Variants in ADD1 observed in about 807,000 individuals in gnomAD.
The protein encoded by ADD1 is adducin 1.
A neutral mutation model predicts 80.5 loss-of-function variants in ADD1; 24 were observed. The ratio of observed to expected loss-of-function variants is 0.30; its 90% CI spans 0.22 to 0.42. ADD1 has a LOEUF of 0.42. ADD1 is among the 10% of genes least tolerant of loss of function. The pLI is 1.00. For missense variants in ADD1, 948 were observed against 1,019.0 expected (o/e 0.93, Z 0.95); for synonymous variants, 373 against 393.8 (o/e 0.95, Z 0.63).
chr4:2,851,704 G>A (rs780018296), intron 1 of ADD1, among the ~76,000 whole-genome samples: 5 of 152,162 alleles, frequency 3.3e-5, no homozygotes, highest in African/African-American at 4.8e-5. Context: ...AGGAAGGAAG[G>A]TTAGGAATGG....
In ADD1 at chr4:2,901,520, G is replaced by A. The variant is rs575231620; in HGVS notation, c.1161+2085G>A. ...TGTACAGATTGTTTTAATATTAGAA[G>A]GCCATATAGTTTATAAGAAATAAAC... On this transcript the variant is annotated intron_variant, in intron 9 of 15. Coordinates refer to ENST00000683351, the MANE Select transcript of ADD1 (RefSeq NM_001354761.2). The A allele has an allele frequency of 3.6e-4, 55 of 152,248 alleles. 1 individual carries two copies. The highest frequency in any genetic ancestry group is 1.3e-3 in the African/African-American group (55 of 41,532). The allele number at this position is 152,248 out of a possible 1,614,324, so 9.4% of individuals were successfully genotyped here.
intron 1 of ADD1, among the ~76,000 whole-genome samples, chr4:2,846,697 A>C (rs1366747930): frequency 6.6e-6 from 1 of 151,820 alleles, no homozygotes; most frequent in Non-Finnish European, 1.5e-5. Context: ...GAAGCTGGGC[A>C]TGCTAGGATG....
intron 1 of ADD1, among the ~76,000 whole-genome samples, chr4:2,852,132 G>A (rs867719385): frequency 1.5e-5 from 2 of 136,092 alleles, no homozygotes; most frequent in Non-Finnish European, 3.2e-5. Context: ...CACAGCACCC[G>A]GCCTCTTTTC....
chr4:2,862,327 G>C (rs893047687), intron 1 of ADD1, among the ~76,000 whole-genome samples: 1 of 152,170 alleles, frequency 6.6e-6, no homozygotes, highest in African/African-American at 2.4e-5. Context: ...AGGGTTTTAG[G>C]AGCTGTAGAT....
chr4:2,871,047 C>T (rs1044942613), intron 1 of ADD1, among the ~76,000 whole-genome samples: 5 of 151,094 alleles, frequency 3.3e-5, no homozygotes, highest in African/African-American at 9.8e-5. Context: ...TGGCTCACTG[C>T]AATCTGTGCC....
At chr4:2,862,758 T>C (rs923574439) in intron 1 of ADD1, among the ~76,000 whole-genome samples, 7 of 152,218 alleles carry the variant, frequency 4.6e-5, no homozygotes, top group Admixed American at 6.5e-5. Flanking sequence ...GATTTACTTA[T>C]TTATCATGTT....
intron 1 of ADD1, among the ~76,000 whole-genome samples, chr4:2,867,141 C>T (rs1042152530): frequency 6.6e-6 from 1 of 152,158 alleles, no homozygotes; most frequent in Admixed American, 6.5e-5. Flanking sequence ...AGGAATCTTG[C>T]AGGGTGGTTG....
Position 2,928,439 on chromosome 4 carries a change from TCCAGGCAAGTCC to T in ADD1, c.2319_2330del (p.Gly774_Pro777del). ...CCGCGGACCCTGGCAGCGATGGGTC[TCCAGGCAAGTCC>T]CCGTCCAAAAAGAAGAAGAAGTTCC... On this transcript the variant is annotated inframe_deletion, in exon 16 of 16. Coordinates refer to ENST00000683351, the MANE Select transcript of ADD1 (RefSeq NM_001354761.2). 1 of 1,613,502 alleles carries T rather than the reference TCCAGGCAAGTCC, an allele frequency of 6.2e-7. No homozygotes were observed. The highest frequency in any genetic ancestry group is 8.5e-7 in the Non-Finnish European group (1 of 1,179,954).
intron 14 of ADD1, among the ~76,000 whole-genome samples, chr4:2,925,345 G>A (rs1398869680): frequency 6.9e-6 from 1 of 145,096 alleles, no homozygotes; most frequent in African/African-American, 2.5e-5. Flanking sequence ...ATACGGACCT[G>A]CTGATCCTAA....
In ADD1 at chr4:2,904,655, G is replaced by A. The variant is rs6833874; in HGVS notation, c.1162-109G>A. On this transcript the variant is annotated intron_variant, in intron 9 of 15. Coordinates refer to ENST00000683351, the MANE Select transcript of ADD1 (RefSeq NM_001354761.2). The stretch of plus-strand genomic sequence containing the variant: ...TTAGGAGTGGAATTACTGAGTCATA[G>A]GGTATGCATGTGTTCAACTTTTGTG... The A allele has an allele frequency of 3.4e-3, 3,200 of 947,384 alleles. 77 individuals carry two copies. In the African/African-American group the frequency reaches 0.045, roughly 13 times the overall value. 58.7% of individuals were successfully genotyped at this position (947,384 alleles called of 1,614,324 possible). A position where few individuals can be genotyped will look rare whatever the true frequency, so the allele number is the denominator to read the frequency against.
At chr4:2,920,189 C>G (rs1481261803) in intron 14 of ADD1, among the ~76,000 whole-genome samples, 1 of 152,180 alleles carries the variant, frequency 6.6e-6, no homozygotes, top group Non-Finnish European at 1.5e-5. Flanking sequence ...TTTAATTGCA[C>G]TGTGGTCTGA....
At chr4:2,920,143 G>T (rs543803131) in intron 14 of ADD1, among the ~76,000 whole-genome samples, 1 of 152,154 alleles carries the variant, frequency 6.6e-6, no homozygotes, top group South Asian at 2.1e-4. Context: ...ATGTAGTTAC[G>T]CAGTTTTGAG....
chr4:2,914,833 A>G (rs759399526), intron 13 of ADD1, 51 bp from the exon 14 acceptor site: 3 of 1,534,006 alleles, frequency 2.0e-6, no homozygotes, highest in Non-Finnish European at 1.8e-6. Flanking sequence ...GAGGAGGGAG[A>G]GTCCCCATCG....
intron 2 of ADD1, among the ~76,000 whole-genome samples, chr4:2,879,034 C>A (rs531695194): frequency 1.3e-5 from 2 of 152,126 alleles, no homozygotes; most frequent in African/African-American, 4.8e-5. Context: ...TGACCATGGA[C>A]GTGGGAGCCT....
Position 2,894,521 on chromosome 4 carries a change from AAAAAG to A in ADD1, c.592-51_592-47del, listed in dbSNP as rs1560204315. 22 of 1,505,188 alleles carry A rather than the reference AAAAAG, an allele frequency of 1.5e-5. No individual in the cohort carries two copies. In the African/African-American group the frequency reaches 1.6e-4, roughly 11 times the overall value. The allele number at this position is 1,505,188 out of a possible 1,614,324, so 93.2% of individuals were successfully genotyped here. On this transcript the variant is annotated intron_variant, in intron 5 of 15. Coordinates refer to ENST00000683351, the MANE Select transcript of ADD1 (RefSeq NM_001354761.2). ...GCCAGACCCTATCAAAAAAAAAAAA[AAAAAG>A]AAAAGAAAAAATGAAGTCCTCTTGG...
chr4:2,846,623 C>T (rs982090424), intron 1 of ADD1, among the ~76,000 whole-genome samples: 1 of 152,074 alleles, frequency 6.6e-6, no homozygotes, highest in African/African-American at 2.4e-5. Context: ...CTTAATTCTT[C>T]TCCATTATTT....
At chr4:2,877,423 C>T (rs1183829577) in intron 2 of ADD1, among the ~76,000 whole-genome samples, 1 of 152,038 alleles carries the variant, frequency 6.6e-6, no homozygotes, top group Non-Finnish European at 1.5e-5. Context: ...TGAGTTATAA[C>T]TTACATAAAG....
At chr4:2,925,258 G>C (rs1740773949) in intron 14 of ADD1, among the ~76,000 whole-genome samples, 1 of 152,168 alleles carries the variant, frequency 6.6e-6, no homozygotes, top group Non-Finnish European at 1.5e-5. Flanking sequence ...CGTGGTACTT[G>C]GGGAGGCGAG....
intron 15 of ADD1, among the ~76,000 whole-genome samples, chr4:2,927,233 AGGG>A (rs879410685): frequency 1.3e-5 from 2 of 151,444 alleles, no homozygotes; most frequent in African/African-American, 2.5e-5. Context: ...CCATCTCCTC[AGGG>A]GGAGCGGCGC....
Sources: gnomAD v4.1 joint callset for allele counts (sites outside exome capture counted in the v4.1 genomes callset) on GRCh38, gnomAD v4.1.1 for gene constraint, MANE v1.5 for transcripts, NCBI Gene and HGNC (gene_info 2026-07-23, HGNC 2026-07-21) for gene names.